GALNT10: variants seen among roughly 807,000 people sequenced by gnomAD.
GALNT10 encodes GalNAc transferase 10.
Under a neutral mutation model 75.0 loss-of-function variants are expected in GALNT10, and 41 were observed. The ratio of observed to expected loss-of-function variants is 0.55; its 90% CI spans 0.43 to 0.71. The LOEUF is 0.71. GALNT10 is among the 30% of genes least tolerant of loss of function. GALNT10 has a pLI of 0.00. For missense variants in GALNT10, 727 were observed against 818.5 expected (o/e 0.89, Z 1.36); for synonymous variants, 302 against 313.0 (o/e 0.96, Z 0.37).
At chr5:154,337,081 C>T (rs1191371753) in intron 4 of GALNT10, among the ~76,000 whole-genome samples, 1 of 152,114 alleles carries the variant, frequency 6.6e-6, no homozygotes, top group Admixed American at 6.5e-5. Context: ...TGCTTTTTCC[C>T]CCATTTATTA....
chr5:154,294,778 C>G (rs1017924691), intron 1 of GALNT10, 38 bp from the exon 2 acceptor site: 1 of 1,088,612 alleles, frequency 9.2e-7, no homozygotes, highest in East Asian at 2.4e-5. Context: ...TACTGATTTG[C>G]CCTTTTCTAT....
intron 1 of GALNT10, among the ~76,000 whole-genome samples, chr5:154,291,592 A>C (rs1013847693): frequency 1.3e-5 from 2 of 152,078 alleles, no homozygotes; most frequent in Non-Finnish European, 1.5e-5. Flanking sequence ...AAATGGTTTT[A>C]TTTCATCCTA....
At chr5:154,292,709 T>C (rs1456080300) in intron 1 of GALNT10, among the ~76,000 whole-genome samples, 2 of 152,206 alleles carry the variant, frequency 1.3e-5, no homozygotes, top group East Asian at 3.9e-4. Flanking sequence ...TTGATATCTA[T>C]TTATTTTTAG....
intron 4 of GALNT10, among the ~76,000 whole-genome samples, chr5:154,363,996 ACT>A (rs1457612475): frequency 1.3e-5 from 2 of 151,984 alleles, no homozygotes; most frequent in African/African-American, 2.4e-5. Context: ...AAAATCAATC[ACT>A]CTGAGTCCTG....
chr5:154,269,516 A>G (rs572964442), intron 1 of GALNT10, among the ~76,000 whole-genome samples: 1 of 152,290 alleles, frequency 6.6e-6, no homozygotes, highest in Admixed American at 6.5e-5. Flanking sequence ...GCCTGGCTCA[A>G]TATATCTATA....
intron 1 of GALNT10, among the ~76,000 whole-genome samples, chr5:154,238,521 C>G (rs1237708442): frequency 6.6e-6 from 1 of 152,166 alleles, no homozygotes; most frequent in Non-Finnish European, 1.5e-5. Flanking sequence ...TGCATCTTCT[C>G]CTTCTCCCCC....
chr5:154,284,706 T>C (rs1754087783), intron 1 of GALNT10, among the ~76,000 whole-genome samples: 1 of 152,204 alleles, frequency 6.6e-6, no homozygotes, highest in Non-Finnish European at 1.5e-5. Flanking sequence ...TACAGAAGTA[T>C]GATTCATCTC....
At chr5:154,293,423 T>C (rs1754224857) in intron 1 of GALNT10, among the ~76,000 whole-genome samples, 1 of 152,094 alleles carries the variant, frequency 6.6e-6, no homozygotes, top group Non-Finnish European at 1.5e-5. Context: ...TTGACTTGAC[T>C]GTTGGCTTGA....
At chr5:154,364,555 A>C (rs1029155558) in intron 4 of GALNT10, among the ~76,000 whole-genome samples, 15 of 152,252 alleles carry the variant, frequency 9.9e-5, no homozygotes, top group African/African-American at 2.9e-4. Flanking sequence ...TCGTAAGGAA[A>C]GTTCCGACAT....
chr5:154,329,377 T>C, intron 3 of GALNT10, 195 bp from the exon 4 acceptor site: 1 of 595,290 alleles, frequency 1.7e-6, no homozygotes. Flanking sequence ...GTGTGCTGTA[T>C]ATGCAGAGAT....
intron 6 of GALNT10, among the ~76,000 whole-genome samples, chr5:154,383,077 T>C (rs1400438360): frequency 6.6e-6 from 1 of 152,218 alleles, no homozygotes; most frequent in Non-Finnish European, 1.5e-5. Context: ...TCCCAGGTGA[T>C]GCTTATGTGT....
chr5:154,341,417 G>T (rs28482937), intron 4 of GALNT10, among the ~76,000 whole-genome samples: 13,890 of 152,256 alleles, frequency 0.091, 767 homozygotes, highest in Middle Eastern at 0.18. Flanking sequence ...GTTAATGAAT[G>T]AGATTTATTG....
intron 1 of GALNT10, among the ~76,000 whole-genome samples, chr5:154,199,543 T>C (rs1249155656): frequency 6.6e-6 from 1 of 152,162 alleles, no homozygotes; most frequent in Non-Finnish European, 1.5e-5. Context: ...AGGTGCACTT[T>C]GGAATCCCTC....
intron 10 of GALNT10, 30 bp downstream of exon 10, chr5:154,413,035 C>A (rs1490508944): frequency 1.4e-6 from 2 of 1,409,610 alleles, no homozygotes; most frequent in Non-Finnish European, 2.0e-6. Context: ...GACTGGCAGC[C>A]AGGTTCTCTG....
chr5:154,262,554 A>G (rs1561644051), intron 1 of GALNT10, among the ~76,000 whole-genome samples: 1 of 152,150 alleles, frequency 6.6e-6, no homozygotes, highest in African/African-American at 2.4e-5. Flanking sequence ...GATTCCCTAG[A>G]GTCCATCAGA....
rs191295808 is a variant in GALNT10, at chr5:154,329,594, G to A, written c.424G>A (p.Glu142Lys). Residue 142 changes from glutamate to lysine, a missense_variant, in exon 4 of 12, where the codon GAG becomes AAG. Glu to Lys is a moderately conservative substitution (Grantham distance 56). Transcript: ENST00000297107. ...TAGCTGCAACAGCAAGCGCTACCTG[G>A]AGACACTTCCCAACACAAGCATCAT... ...HPNCNSKRYL[E>K]TLPNTSIIIP... 2.7e-5 allele frequency: 44 copies of A among 1,613,910 alleles called. No individual in the cohort carries two copies. The Admixed American group carries it at 7.3e-4, about 27-fold the overall frequency.
At chr5:154,277,940 A>G (rs577191037) in intron 1 of GALNT10, among the ~76,000 whole-genome samples, 2 of 152,280 alleles carry the variant, frequency 1.3e-5, no homozygotes, top group South Asian at 4.1e-4. Context: ...ATAGACATAA[A>G]TCATTGTCTT....
At chr5:154,195,396 A>G (rs1774920836) in intron 1 of GALNT10, among the ~76,000 whole-genome samples, 1 of 152,234 alleles carries the variant, frequency 6.6e-6, no homozygotes, top group Non-Finnish European at 1.5e-5. Flanking sequence ...CCTCATGCGC[A>G]GTGGAGTGGG....
intron 4 of GALNT10, among the ~76,000 whole-genome samples, chr5:154,373,825 G>A (rs550597758): frequency 2.6e-5 from 4 of 152,140 alleles, no homozygotes; most frequent in Non-Finnish European, 5.9e-5. Flanking sequence ...CTGTCAGAAG[G>A]CCTTAATTGG....
Sources: allele counts gnomAD v4.1 joint callset (sites outside exome capture counted in the v4.1 genomes callset), GRCh38; gene constraint gnomAD v4.1.1; transcripts MANE v1.5; gene names NCBI Gene and HGNC (gene_info 2026-07-23, HGNC 2026-07-21).